Variants in SYNPR observed in about 807,000 individuals in gnomAD.
The protein encoded by SYNPR is synaptoporin.
In SYNPR, 23 loss-of-function variants were observed where a neutral mutation model predicts 32.9. That is an observed-to-expected ratio of 0.70 (90% CI 0.50 to 0.99). SYNPR has a LOEUF of 0.99. Ranked by LOEUF, SYNPR falls within the 50% of genes least tolerant of loss-of-function variation. The pLI, the probability that SYNPR is intolerant of heterozygous loss-of-function variation, is 0.00. For missense variants in SYNPR, 318 were observed against 349.3 expected (o/e 0.91, Z 0.71); for synonymous variants, 146 against 135.9 (o/e 1.07, Z -0.52).
intron 1 of SYNPR, among the ~76,000 whole-genome samples, chr3:63,229,057 T>C (rs919972628): frequency 1.3e-5 from 2 of 152,218 alleles, no homozygotes; most frequent in South Asian, 2.1e-4. Flanking sequence ...GTTTTTATTA[T>C]ATCAAAAAGC....
At chr3:63,283,810 C>CTTTTTTTTTTTTTTTTTTTTTTTTT (rs142282438) in intron 2 of SYNPR, among the ~76,000 whole-genome samples, 1 of 87,136 alleles carries the variant, frequency 1.1e-5, no homozygotes, top group African/African-American at 4.9e-5. Context: ...AGATAATTAC[C>CTTTTTTTTTTTTTTTTTTTTTTTTT]TTTTTTTTTT....
intron 2 of SYNPR, among the ~76,000 whole-genome samples, chr3:63,454,615 G>T (rs1386993336): frequency 6.6e-6 from 1 of 152,106 alleles, no homozygotes; most frequent in Non-Finnish European, 1.5e-5. Flanking sequence ...GGTTAATAGG[G>T]ATGTGGGAGA....
chr3:63,266,582 C>T (rs1420685083), intron 2 of SYNPR, among the ~76,000 whole-genome samples: 2 of 151,856 alleles, frequency 1.3e-5, no homozygotes, highest in East Asian at 1.9e-4. Flanking sequence ...TGGTGCGTGC[C>T]TGTAATCCCA....
chr3:63,612,829 T>C (rs1213188843), intron 5 of SYNPR, among the ~76,000 whole-genome samples: 2 of 152,106 alleles, frequency 1.3e-5, no homozygotes, highest in Non-Finnish European at 2.9e-5. Flanking sequence ...ATTACATCCC[T>C]GGACAGAGCC....
At chr3:63,450,926 T>A (rs1038360097) in intron 2 of SYNPR, among the ~76,000 whole-genome samples, 9 of 152,194 alleles carry the variant, frequency 5.9e-5, no homozygotes, top group African/African-American at 2.2e-4. Flanking sequence ...TATATTGCTC[T>A]GGCAGCATTC....
chr3:63,369,447 A>T (rs2087769175), intron 2 of SYNPR, among the ~76,000 whole-genome samples: 1 of 152,246 alleles, frequency 6.6e-6, no homozygotes, highest in African/African-American at 2.4e-5. Flanking sequence ...TACCTGCAAA[A>T]ACAACATAAA....
intron 2 of SYNPR, among the ~76,000 whole-genome samples, chr3:63,473,936 G>C (rs1178713298): frequency 6.6e-6 from 1 of 152,192 alleles, no homozygotes; most frequent in African/African-American, 2.4e-5. Context: ...CTCAGTTACT[G>C]TTTGATAACT....
intron 2 of SYNPR, among the ~76,000 whole-genome samples, chr3:63,404,322 T>C (rs1332141892): frequency 6.6e-6 from 1 of 152,202 alleles, no homozygotes; most frequent in Non-Finnish European, 1.5e-5. Flanking sequence ...CTAAGGAAAT[T>C]ACAGTGAATA....
chr3:63,361,615 A>C (rs980024185), intron 2 of SYNPR, among the ~76,000 whole-genome samples: 3 of 151,098 alleles, frequency 2.0e-5, no homozygotes, highest in Admixed American at 1.3e-4. Flanking sequence ...AAAAAAAAAA[A>C]AGGAGGGGGG....
chr3:63,536,622 A>G (rs1469052337), intron 3 of SYNPR, among the ~76,000 whole-genome samples: 1 of 152,184 alleles, frequency 6.6e-6, no homozygotes, highest in African/African-American at 2.4e-5. Flanking sequence ...ACTCCTAAGT[A>G]TATCACCTAT....
chr3:63,407,089 C>A (rs1450208863), intron 2 of SYNPR, among the ~76,000 whole-genome samples: 2 of 152,138 alleles, frequency 1.3e-5, no homozygotes, highest in Non-Finnish European at 2.9e-5. Context: ...TAAATGATTT[C>A]TTTACTTCCC....
intron 4 of SYNPR, among the ~76,000 whole-genome samples, chr3:63,591,378 C>T (rs1396062706): frequency 5.4e-5 from 7 of 128,918 alleles, no homozygotes; most frequent in Non-Finnish European, 6.5e-5. Context: ...CTAGTTCAAC[C>T]ATTGTGGAAG....
rs1701038091 is a variant in SYNPR, at chr3:63,481,085, G to A, written c.209+129G>A. 6 of 1,291,238 alleles carry A rather than the reference G, an allele frequency of 4.6e-6. No individual in the cohort carries two copies. In the African/African-American group the frequency reaches 6.0e-5, roughly 13 times the overall value. The allele number at this position is 1,291,238 out of a possible 1,614,324, so 80.0% of individuals were successfully genotyped here. ...CAGAAAGTATTCTGCCTGCACCCAC[G>A]GAATGCCCAAACACAGTGCCCACTC... is the stretch of plus-strand genomic sequence containing the variant. On this transcript the variant is annotated intron_variant, in intron 3 of 5. Coordinates refer to ENST00000478300, the MANE Select transcript of SYNPR (RefSeq NM_001130003.2).
chr3:63,459,167 A>G (rs549340389), intron 2 of SYNPR, among the ~76,000 whole-genome samples: 20 of 152,146 alleles, frequency 1.3e-4, no homozygotes, highest in South Asian at 6.2e-4. Flanking sequence ...TCTGCCAGAT[A>G]CACTACCTGA....
chr3:63,474,999 G>T (rs142724433), intron 2 of SYNPR, among the ~76,000 whole-genome samples: 1 of 152,102 alleles, frequency 6.6e-6, no homozygotes, highest in Admixed American at 6.5e-5. Flanking sequence ...TTGATATTCC[G>T]TGTGTGGTTC....
intron 2 of SYNPR, among the ~76,000 whole-genome samples, chr3:63,255,901 A>C (rs901567973): frequency 6.6e-6 from 1 of 152,222 alleles, no homozygotes; most frequent in Non-Finnish European, 1.5e-5. Context: ...GGTGTTAGCA[A>C]ACGGCACACC....
chr3:63,262,477 T>A (rs1370234145), intron 2 of SYNPR, among the ~76,000 whole-genome samples: 1 of 152,192 alleles, frequency 6.6e-6, no homozygotes, highest in African/African-American at 2.4e-5. Context: ...CCATAAGGCA[T>A]TAACTCCCCT....
At chr3:63,236,066 C>CTTTTTTTT (rs537901577) in intron 1 of SYNPR, among the ~76,000 whole-genome samples, 1 of 86,302 alleles carries the variant, frequency 1.2e-5, no homozygotes, top group Non-Finnish European at 2.7e-5. Context: ...GCTGAGGTTT[C>CTTTTTTTT]TTTTTTTTTT....
At chr3:63,452,347 AG>A (rs1700394400) in intron 2 of SYNPR, among the ~76,000 whole-genome samples, 4 of 152,192 alleles carry the variant, frequency 2.6e-5, no homozygotes, top group Admixed American at 2.6e-4. Flanking sequence ...TAAAAATAAA[AG>A]CTAAGCCATC....
Sources: allele counts gnomAD v4.1 joint callset (sites outside exome capture counted in the v4.1 genomes callset), GRCh38; gene constraint gnomAD v4.1.1; transcripts MANE v1.5; gene names NCBI Gene and HGNC (gene_info 2026-07-23, HGNC 2026-07-21).